Variants in FAT3 observed in about 807,000 individuals in gnomAD.
FAT3 encodes FAT atypical cadherin 3.
In FAT3, 95 loss-of-function variants were observed where a neutral mutation model predicts 310.2. That is an observed-to-expected ratio of 0.31 (90% CI 0.26 to 0.36). The LOEUF (loss-of-function observed/expected upper bound fraction) is 0.36, where lower values mean the gene tolerates loss of function less well. FAT3 is among the 10% of genes least tolerant of loss of function. The probability of loss-of-function intolerance (pLI) is 1.00; values close to 1 mark genes in which losing one functional copy is unlikely to be tolerated. For missense variants in FAT3, 5,408 were observed against 5,715.6 expected (o/e 0.95, Z 1.74); for synonymous variants, 2,314 against 2,192.9 (o/e 1.06, Z -1.54).
At chr11:92,463,498 A>T (rs991974061) in intron 2 of FAT3, among the ~76,000 whole-genome samples, 1 of 152,202 alleles carries the variant, frequency 6.6e-6, no homozygotes, top group African/African-American at 2.4e-5. Flanking sequence ...AATCTACCTC[A>T]TACAGTTTCT....
Position 92,895,935 on chromosome 11 carries a change from C to T in FAT3, c.*4822C>T, listed in dbSNP as rs570410431. The T allele has an allele frequency of 1.3e-4, 20 of 151,984 alleles. No homozygotes were observed. Among genetic ancestry groups the T allele is most frequent in the Non-Finnish European group, 2.4e-4 (16 of 67,986 alleles). The allele number at this position is 151,984 out of a possible 1,614,324, so 9.4% of individuals were successfully genotyped here. A position where few individuals can be genotyped will look rare whatever the true frequency, so the allele number is the denominator to read the frequency against. ...TGAGGTAACTACACACACACACACA[C>T]ACACAAGGATTTTAGATTTGAAAAT... On this transcript the variant is annotated 3_prime_UTR_variant, in exon 28 of 28. Coordinates refer to ENST00000525166, the MANE Select transcript of FAT3 (RefSeq NM_001367949.2).
chr11:92,499,723 A>ATGTGTGTG (rs61267708), intron 2 of FAT3, among the ~76,000 whole-genome samples: 90 of 127,828 alleles, frequency 7.0e-4, no homozygotes, highest in African/African-American at 2.2e-3. Context: ...ATGTGTGTGT[A>ATGTGTGTG]TGTGTGTGTG....
intron 1 of FAT3, among the ~76,000 whole-genome samples, chr11:92,266,466 G>A (rs1460716438): frequency 6.6e-6 from 1 of 152,144 alleles, no homozygotes; most frequent in Non-Finnish European, 1.5e-5. Context: ...GTACTTTTCA[G>A]CTTTTATCAC....
At chr11:92,426,488 C>T (rs1950636569) in intron 2 of FAT3, among the ~76,000 whole-genome samples, 1 of 152,132 alleles carries the variant, frequency 6.6e-6, no homozygotes, top group Non-Finnish European at 1.5e-5. Context: ...GTATTTTCTT[C>T]TAGCGTTTTT....
At chr11:92,770,524 G>A (rs1051663685) in intron 6 of FAT3, among the ~76,000 whole-genome samples, 14 of 152,074 alleles carry the variant, frequency 9.2e-5, no homozygotes, top group African/African-American at 3.1e-4. Flanking sequence ...GTGTACATGC[G>A]GAACCTGAAT....
intron 10 of FAT3, among the ~76,000 whole-genome samples, chr11:92,803,822 G>T (rs760819838): frequency 2.0e-5 from 3 of 152,202 alleles, no homozygotes; most frequent in Admixed American, 6.5e-5. Flanking sequence ...GAGAACCACT[G>T]CCCCAGAGGA....
chr11:92,859,474 A>G (rs1949068308), intron 21 of FAT3, among the ~76,000 whole-genome samples, 152 bp downstream of exon 21: 1 of 152,212 alleles, frequency 6.6e-6, no homozygotes, highest in South Asian at 2.1e-4. Flanking sequence ...AGAACTGGGA[A>G]GGGAGCCAAC....
chr11:92,627,323 A>G (rs1941374895), intron 3 of FAT3, among the ~76,000 whole-genome samples: 1 of 152,200 alleles, frequency 6.6e-6, no homozygotes, highest in South Asian at 2.1e-4. Context: ...GCATCAGGGA[A>G]GATAAATACA....
intron 2 of FAT3, among the ~76,000 whole-genome samples, chr11:92,416,316 G>A (rs1174186085): frequency 2.7e-5 from 4 of 150,862 alleles, no homozygotes; most frequent in African/African-American, 9.7e-5. Flanking sequence ...TCCAGGAAGC[G>A]GAGGTTGCAG....
intron 1 of FAT3, among the ~76,000 whole-genome samples, chr11:92,293,018 AAGGAAGGAAGG>A (rs1434788878): frequency 1.6e-3 from 1 of 640 alleles, no homozygotes; most frequent in Non-Finnish European, 4.6e-3. Context: ...TCTGCAAAGG[AAGGAAGGAAGG>A]AAGGAAGGAA....
chr11:92,340,771 G>A (rs1403011138), intron 1 of FAT3, among the ~76,000 whole-genome samples: 1 of 152,144 alleles, frequency 6.6e-6, no homozygotes, highest in African/African-American at 2.4e-5. Flanking sequence ...CATTAGCACT[G>A]AGTACTAACT....
chr11:92,772,209 A>G (rs1027040706), intron 6 of FAT3, among the ~76,000 whole-genome samples: 21 of 152,294 alleles, frequency 1.4e-4, no homozygotes, highest in African/African-American at 4.3e-4. Flanking sequence ...TGTGATTTAA[A>G]ATGGGATTTA....
Position 92,887,133 on chromosome 11 carries a change from G to C in FAT3, c.13051+20G>C. 6.3e-7 allele frequency: 1 copy of C among 1,587,300 alleles called. No homozygotes were observed. The highest frequency in any genetic ancestry group is 8.6e-7 in the Non-Finnish European group (1 of 1,165,064). ...ACAATGGTAAGAAGTCATCAGATTTGTTCGGAGCGGGTGGGTTCTGCTTCC... is the reference window on the plus strand; with the variant it reads ...ACAATGGTAAGAAGTCATCAGATTTCTTCGGAGCGGGTGGGTTCTGCTTCC... On this transcript the variant is annotated intron_variant, in intron 25 of 27. Coordinates refer to ENST00000525166, the MANE Select transcript of FAT3 (RefSeq NM_001367949.2).
At chr11:92,709,928 A>G (rs1356930312) in intron 4 of FAT3, among the ~76,000 whole-genome samples, 1 of 152,106 alleles carries the variant, frequency 6.6e-6, no homozygotes, top group African/African-American at 2.4e-5. Flanking sequence ...ATTCAGAAGA[A>G]AGATCTTAGA....
chr11:92,281,913 C>CT lies in FAT3; in HGVS notation c.-18+56749dup, dbSNP rs991589932. On this transcript the variant is annotated intron_variant, in intron 1 of 27. Transcript: ENST00000525166. ...CTGACTTGTGCAAACATTATCCCTT[C>CT]TTTTTTTTTTGAGACACAGTCTCTC... Among the ~76,000 whole-genome samples, 41 of 149,888 alleles carry CT rather than the reference C, an allele frequency of 2.7e-4. 1 individual carries two copies. The highest frequency in any genetic ancestry group is 1.3e-3 in the South Asian group (6 of 4,722).
chr11:92,824,361 A>G (rs568535907), intron 13 of FAT3, among the ~76,000 whole-genome samples: 17 of 152,298 alleles, frequency 1.1e-4, no homozygotes, highest in South Asian at 8.3e-4. Flanking sequence ...TGTCTCAAAA[A>G]AAAGAAAGAA....
At chr11:92,849,345 A>G (rs970620845) in intron 19 of FAT3, among the ~76,000 whole-genome samples, 10 of 152,176 alleles carry the variant, frequency 6.6e-5, no homozygotes, top group Non-Finnish European at 1.2e-4. Flanking sequence ...TAATTCAGCC[A>G]AAGTTTGAGC....
intron 1 of FAT3, among the ~76,000 whole-genome samples, chr11:92,315,512 T>TATATATATATATATAG (rs1353970811): frequency 1.8e-5 from 1 of 56,176 alleles, no homozygotes; most frequent in Non-Finnish European, 3.3e-5. Context: ...TATATATATA[T>TATATATATATATATAG]AGAGAGAGAG....
At chr11:92,724,631 T>C (rs1292467999) in intron 4 of FAT3, among the ~76,000 whole-genome samples, 3 of 152,202 alleles carry the variant, frequency 2.0e-5, no homozygotes, top group Admixed American at 6.5e-5. Context: ...CTAAGTCTCA[T>C]TATGAAGATG....
Sources: allele counts gnomAD v4.1 joint callset (sites outside exome capture counted in the v4.1 genomes callset), GRCh38; gene constraint gnomAD v4.1.1; transcripts MANE v1.5; gene names NCBI Gene and HGNC (gene_info 2026-07-23, HGNC 2026-07-21).